The following ETV6 variants were observed in gnomAD, a reference collection of about 807,000 sequenced individuals.
The protein encoded by ETV6 is transcription factor ETV6.
Under a neutral mutation model 51.1 loss-of-function variants are expected in ETV6, and 16 were observed. The ratio of observed to expected loss-of-function variants is 0.31; its 90% CI spans 0.21 to 0.48. The LOEUF is 0.48. ETV6 is among the 20% of genes least tolerant of loss of function. The pLI, the probability that ETV6 is intolerant of heterozygous loss-of-function variation, is 0.99. For missense variants in ETV6, 458 were observed against 594.8 expected (o/e 0.77, Z 2.39); for synonymous variants, 240 against 224.1 (o/e 1.07, Z -0.64).
At chr12:11,874,826 C>T (rs541042630) in intron 5 of ETV6, among the ~76,000 whole-genome samples, 1 of 145,294 alleles carries the variant, frequency 6.9e-6, no homozygotes, top group Non-Finnish European at 1.5e-5. Context: ...TGTTCTCACT[C>T]ATAGGTGGGA....
intron 1 of ETV6, among the ~76,000 whole-genome samples, chr12:11,711,501 G>A (rs529486326): frequency 1.3e-5 from 2 of 152,176 alleles, no homozygotes; most frequent in Non-Finnish European, 2.9e-5. Flanking sequence ...ATACATCGTG[G>A]TTCCTTCTCT....
At chr12:11,819,655 G>T (rs1237394882) in intron 2 of ETV6, among the ~76,000 whole-genome samples, 3 of 152,190 alleles carry the variant, frequency 2.0e-5, no homozygotes, top group Non-Finnish European at 4.4e-5. Flanking sequence ...CAGGAATCAG[G>T]AGCTTGGATT....
chr12:11,706,423 T>C (rs1049479797), intron 1 of ETV6, among the ~76,000 whole-genome samples: 5 of 152,330 alleles, frequency 3.3e-5, no homozygotes, highest in East Asian at 1.9e-4. Flanking sequence ...GATTGTTTCT[T>C]GTAAAACAGT....
At chr12:11,795,796 C>T (rs932791028) in intron 2 of ETV6, among the ~76,000 whole-genome samples, 1 of 152,176 alleles carries the variant, frequency 6.6e-6, no homozygotes, top group African/African-American at 2.4e-5. Flanking sequence ...GTTGCCTAAC[C>T]TCTCCAAAGA....
chr12:11,812,444 A>T (rs1435223513), intron 2 of ETV6, among the ~76,000 whole-genome samples: 1 of 152,168 alleles, frequency 6.6e-6, no homozygotes, highest in South Asian at 2.1e-4. Context: ...AAACCCCTTT[A>T]GCTCACTCCT....
At chr12:11,791,486 C>G (rs1385119082) in intron 2 of ETV6, among the ~76,000 whole-genome samples, 3 of 152,146 alleles carry the variant, frequency 2.0e-5, no homozygotes, top group Admixed American at 2.0e-4. Context: ...TCTTTTTACC[C>G]TTAGACCAGT....
intron 1 of ETV6, among the ~76,000 whole-genome samples, chr12:11,701,037 A>C (rs2120837172): frequency 6.7e-6 from 1 of 150,058 alleles, no homozygotes; most frequent in South Asian, 2.1e-4. Flanking sequence ...ACAAATTCAA[A>C]GCCACTGTAT....
At chr12:11,750,390 G>C (rs1183097985) in intron 1 of ETV6, among the ~76,000 whole-genome samples, 1 of 152,222 alleles carries the variant, frequency 6.6e-6, no homozygotes, top group Admixed American at 6.5e-5. Context: ...CCTTGGTGGA[G>C]TTGGGGCAGG....
chr12:11,872,700 T>C (rs1946900977), intron 5 of ETV6, among the ~76,000 whole-genome samples: 1 of 152,142 alleles, frequency 6.6e-6, no homozygotes, highest in South Asian at 2.1e-4. Flanking sequence ...TTCACCGTGT[T>C]GGCCAGGCTG....
chr12:11,884,614 A>G (rs761881381), intron 6 of ETV6, 27 bp downstream of exon 6: 2 of 1,612,594 alleles, frequency 1.2e-6, no homozygotes, highest in South Asian at 2.2e-5. Flanking sequence ...TATCTGCTCC[A>G]TAAACTAGTG....
At chr12:11,654,770 G>T (rs962682395) in intron 1 of ETV6, among the ~76,000 whole-genome samples, 2 of 152,056 alleles carry the variant, frequency 1.3e-5, no homozygotes, top group Admixed American at 6.5e-5. Context: ...TTCTGTTTTG[G>T]GCTGAAGGCC....
At chr12:11,678,845 G>A (rs985705902) in intron 1 of ETV6, among the ~76,000 whole-genome samples, 16 of 152,188 alleles carry the variant, frequency 1.1e-4, no homozygotes, top group Non-Finnish European at 1.8e-4. Flanking sequence ...CCCAATGTAA[G>A]CTGTGAGGCA....
chr12:11,863,771 T>C (rs975633608), intron 4 of ETV6, among the ~76,000 whole-genome samples: 6 of 152,232 alleles, frequency 3.9e-5, no homozygotes, highest in African/African-American at 1.4e-4. Flanking sequence ...TTCCATGCCC[T>C]GCTGCCAACT....
chr12:11,768,568 A>G (rs1197957527), intron 2 of ETV6, among the ~76,000 whole-genome samples: 2 of 152,152 alleles, frequency 1.3e-5, no homozygotes, highest in Admixed American at 1.3e-4. Context: ...TGTTAAATTG[A>G]CCTTATGCTT....
At chr12:11,651,595 C>T (rs897442374) in intron 1 of ETV6, among the ~76,000 whole-genome samples, 1 of 152,188 alleles carries the variant, frequency 6.6e-6, no homozygotes, top group Non-Finnish European at 1.5e-5. Flanking sequence ...GGGCGTGCCA[C>T]ACTAAAGAAC....
At chr12:11,663,512 A>C (rs1034858866) in intron 1 of ETV6, among the ~76,000 whole-genome samples, 1 of 152,224 alleles carries the variant, frequency 6.6e-6, no homozygotes, top group African/African-American at 2.4e-5. Flanking sequence ...GTTTTCTAGC[A>C]TATAGAGGAA....
intron 1 of ETV6, among the ~76,000 whole-genome samples, chr12:11,741,277 G>A (rs1208197753): frequency 1.3e-5 from 2 of 152,144 alleles, no homozygotes; most frequent in Admixed American, 1.3e-4. Flanking sequence ...GCCATCATGT[G>A]GGATCATTCC....
At chr12:11,742,805 C>CTTTTTTTTTTTTTT (rs751007395) in intron 1 of ETV6, among the ~76,000 whole-genome samples, 1 of 78,682 alleles carries the variant, frequency 1.3e-5, no homozygotes, top group Non-Finnish European at 2.5e-5. Context: ...TTCTTTCTTT[C>CTTTTTTTTTTTTTT]TTTTTTTTTT....
chr12:11,883,817 T>A (rs1947143220), intron 5 of ETV6, among the ~76,000 whole-genome samples: 1 of 152,234 alleles, frequency 6.6e-6, no homozygotes, highest in Non-Finnish European at 1.5e-5. Flanking sequence ...TGTGATAGAA[T>A]GAGAATATCT....
Sources: allele counts gnomAD v4.1 joint callset (sites outside exome capture counted in the v4.1 genomes callset), GRCh38; gene constraint gnomAD v4.1.1; transcripts MANE v1.5; gene names NCBI Gene and HGNC (gene_info 2026-07-23, HGNC 2026-07-21).